The following MIS18A variants were observed in gnomAD, a reference collection of about 807,000 sequenced individuals.
MIS18A encodes protein Mis18-alpha.
In MIS18A, 14 loss-of-function variants were observed where a neutral mutation model predicts 25.0. The ratio of observed to expected loss-of-function variants is 0.56; its 90% confidence interval spans 0.37 to 0.88. The LOEUF is 0.88. Among genes scored for constraint, MIS18A ranks in the 40% least tolerant of loss-of-function variants. The pLI is 0.00. For synonymous variants in MIS18A, 134 were observed against 118.6 expected, an observed-to-expected ratio of 1.13 and a Z score of -0.84; for missense variants, 292 against 290.8, an observed-to-expected ratio of 1.00 and a Z score of -0.03.
At chr21:32,276,241 A>T (rs2031806146) in intron 1 of MIS18A, among the ~76,000 whole-genome samples, 1 of 151,870 alleles carries the variant, frequency 6.6e-6, no homozygotes, top group Non-Finnish European at 1.5e-5. Context: ...CAGGCGGATC[A>T]TGAGGTCAGG....
chr21:32,157,223 A>ATTTTTTTTTTTTTTTTTTTTTTTTT, the MIS18A span, among the ~76,000 whole-genome samples: 4 of 72,322 alleles, frequency 5.5e-5, no homozygotes, highest in Non-Finnish European at 9.4e-5. Context: ...TACCCGGCTA[A>ATTTTTTTTTTTTTTTTTTTTTTTTT]TTTTTTTTTT....
chr21:32,184,275 G>A, the MIS18A span, among the ~76,000 whole-genome samples: 4 of 152,216 alleles, frequency 2.6e-5, no homozygotes, highest in Non-Finnish European at 5.9e-5. Context: ...GCACAGCAGG[G>A]CATTTTCAAA....
chr21:32,186,715 C>T, the MIS18A span, among the ~76,000 whole-genome samples: 8 of 152,096 alleles, frequency 5.3e-5, no homozygotes. Flanking sequence ...AACAAAGTAC[C>T]ATTCACACGA....
the MIS18A span, among the ~76,000 whole-genome samples, chr21:32,206,172 C>G: frequency 3.3e-4 from 50 of 152,278 alleles, 2 homozygotes; most frequent in South Asian, 9.5e-3. Flanking sequence ...TCAGGCACCA[C>G]CTAATAGGTC....
At chr21:32,209,030 C>T in the MIS18A span, among the ~76,000 whole-genome samples, 3 of 152,180 alleles carry the variant, frequency 2.0e-5, 1 homozygote, top group Non-Finnish European at 4.4e-5. Flanking sequence ...CTCGCAGTAG[C>T]TCTCTATCTA....
chr21:32,222,863 G>A, the MIS18A span, among the ~76,000 whole-genome samples: 10 of 150,974 alleles, frequency 6.6e-5, no homozygotes, highest in African/African-American at 2.2e-4. Context: ...CCTGGCAGGC[G>A]GAGCTTGCTT....
chr21:32,172,402 A>C, the MIS18A span, among the ~76,000 whole-genome samples: 1 of 152,106 alleles, frequency 6.6e-6, no homozygotes, highest in African/African-American at 2.4e-5. Context: ...AGTGTCTGTC[A>C]ACAGATGAAT....
the MIS18A span, among the ~76,000 whole-genome samples, chr21:32,166,872 G>A: frequency 6.6e-6 from 1 of 152,078 alleles, no homozygotes; most frequent in Non-Finnish European, 1.5e-5. Context: ...ACTTTACAGT[G>A]GAGAAAACTT....
At chr21:32,154,898 A>C in the MIS18A span, among the ~76,000 whole-genome samples, 1 of 152,192 alleles carries the variant, frequency 6.6e-6, no homozygotes, top group African/African-American at 2.4e-5. Flanking sequence ...TTAAGTAAAA[A>C]GGCCAGCAGA....
the MIS18A span, among the ~76,000 whole-genome samples, chr21:32,234,119 T>C: frequency 1.3e-5 from 2 of 152,216 alleles, no homozygotes; most frequent in African/African-American, 2.4e-5. Context: ...TTGTGACAAA[T>C]GTACCATAGC....
the MIS18A span, among the ~76,000 whole-genome samples, chr21:32,162,467 C>G: frequency 6.6e-6 from 1 of 152,194 alleles, no homozygotes; most frequent in African/African-American, 2.4e-5. Context: ...TTTCACCCAT[C>G]AGTTTCAACT....
At chr21:32,193,514 AGATAGATG>A in the MIS18A span, among the ~76,000 whole-genome samples, 1,111 of 106,232 alleles carry the variant, frequency 0.01, 20 homozygotes, top group African/African-American at 0.033. Flanking sequence ...ATAGATAGAT[AGATAGATG>A]GATAGATCGA....
chr21:32,249,177 G>A, the MIS18A span, among the ~76,000 whole-genome samples: 1 of 152,186 alleles, frequency 6.6e-6, no homozygotes, highest in African/African-American at 2.4e-5. Flanking sequence ...TTCAAGCTCG[G>A]GAGGGGGCCC....
intron 3 of MIS18A, 151 bp downstream of exon 3, chr21:32,270,256 T>C (rs1289819881): frequency 5.8e-6 from 5 of 869,232 alleles, no homozygotes; most frequent in Non-Finnish European, 7.9e-6. Context: ...AAGAAGGAGG[T>C]CAAAGCAAAA....
the MIS18A span, among the ~76,000 whole-genome samples, chr21:32,205,977 T>A: frequency 1.3e-5 from 2 of 152,192 alleles, no homozygotes; most frequent in African/African-American, 4.8e-5. Context: ...TGCAATTCTC[T>A]TGATACTGGC....
At chr21:32,259,244 T>G in the MIS18A span, among the ~76,000 whole-genome samples, 1 of 152,128 alleles carries the variant, frequency 6.6e-6, no homozygotes, top group African/African-American at 2.4e-5. Context: ...AGGGAAGGGT[T>G]GGCCAGGTCT....
At chr21:32,205,296 G>T in the MIS18A span, among the ~76,000 whole-genome samples, 53 of 151,876 alleles carry the variant, frequency 3.5e-4, 1 homozygote, top group East Asian at 0.01. Flanking sequence ...AGTAGAGACG[G>T]GGTTTCACCG....
chr21:32,178,565 G>A, the MIS18A span, among the ~76,000 whole-genome samples: 1 of 152,178 alleles, frequency 6.6e-6, no homozygotes, highest in Non-Finnish European at 1.5e-5. Flanking sequence ...TGAAGACAGA[G>A]TATCTTAATG....
At chr21:32,210,476 T>A in the MIS18A span, among the ~76,000 whole-genome samples, 1 of 152,216 alleles carries the variant, frequency 6.6e-6, no homozygotes, top group Non-Finnish European at 1.5e-5. Context: ...AGTGTCCTCA[T>A]GCATTTTCAA....
Sources: gnomAD v4.1 joint callset for allele counts (sites outside exome capture counted in the v4.1 genomes callset) on GRCh38, gnomAD v4.1.1 for gene constraint, MANE v1.5 for transcripts, NCBI Gene and HGNC (gene_info 2026-07-23, HGNC 2026-07-21) for gene names.